Variants in SYPL1 observed in about 807,000 individuals in gnomAD.
SYPL1 encodes the protein synaptophysin like 1.
SYPL1 carries 6 observed loss-of-function variants against 23.7 expected under a neutral mutation model. The observed-to-expected ratio is 0.25, with a 90% CI of 0.14 to 0.50. The LOEUF is 0.50. Ranked by LOEUF, SYPL1 falls within the 20% of genes least tolerant of loss-of-function variation. The probability of loss-of-function intolerance (pLI) is 0.98; values close to 1 mark genes in which losing one functional copy is unlikely to be tolerated. For missense variants in SYPL1, 253 were observed against 288.9 expected (o/e 0.88, Z 0.90); for synonymous variants, 102 against 104.5 (o/e 0.98, Z 0.15).
In SYPL1 at chr7:106,109,131, CTT is replaced by C. The variant is rs892533974; in HGVS notation, c.69+3007_69+3008del. Among the ~76,000 whole-genome samples, 4 of 152,302 alleles carry C rather than the reference CTT, an allele frequency of 2.6e-5. No homozygotes were observed. The highest frequency in any genetic ancestry group is 4.1e-4 in the South Asian group (2 of 4,830). The stretch of plus-strand genomic sequence containing the variant: ...TATTAAACCTTGACCCTTGAGTTCT[CTT>C]GTCAGTAGGATAAAATGGGAAATGC... On this transcript the variant is annotated intron_variant, in intron 1 of 4. Coordinates refer to ENST00000455385, the MANE Select transcript of SYPL1 (RefSeq NM_182715.4). The surrounding 1 kb of genome is among the most constrained non-coding windows in gnomAD (Gnocchi z 4.3).
In SYPL1 at chr7:106,091,714, A is replaced by C. The variant is rs1347407583; in HGVS notation, c.*91T>G. 7.3e-7 allele frequency: 1 copy of C among 1,374,888 alleles called. No individual in the cohort carries two copies. Among genetic ancestry groups the C allele is most frequent in the Non-Finnish European group, 9.7e-7 (1 of 1,032,420 alleles). 85.2% of individuals were successfully genotyped at this position (1,374,888 alleles called of 1,614,324 possible). A position where few individuals can be genotyped will look rare whatever the true frequency, so the allele number is the denominator to read the frequency against. ...CCACCAATATATTGACAAAGCCATT[A>C]CTTTTATTAGAAACAAATAATGCTT... is the stretch of plus-strand genomic sequence containing the variant. On this transcript the variant is annotated 3_prime_UTR_variant, in exon 5 of 5. Coordinates refer to ENST00000455385, the MANE Select transcript of SYPL1 (RefSeq NM_182715.4). This position sits in a 1 kb window ranked among gnomAD's most constrained non-coding sequence, Gnocchi z 5.0.
intron 1 of SYPL1, among the ~76,000 whole-genome samples, chr7:106,099,735 A>G (rs1430456068): frequency 1.3e-5 from 2 of 152,076 alleles, no homozygotes; most frequent in Non-Finnish European, 2.9e-5. Context: ...ACTCTGTTGT[A>G]TAGACTCAAG....
In SYPL1 at chr7:106,112,223, A is replaced by G; in HGVS notation, c.-15T>C. On this transcript the variant is annotated 5_prime_UTR_variant, in exon 1 of 5. Transcript: ENST00000455385. ...AAGCCGGACATCCTCTGAGGAAAGGAGGGAGAGAGAGTCAGGACGACGGGG... is the reference window on the plus strand; with the variant it reads ...AAGCCGGACATCCTCTGAGGAAAGGGGGGAGAGAGAGTCAGGACGACGGGG... 1 of 1,531,396 alleles carries G rather than the reference A, an allele frequency of 6.5e-7. No homozygotes were observed. The highest frequency in any genetic ancestry group is 1.2e-5 in the South Asian group (1 of 83,948). The allele number at this position is 1,531,396 out of a possible 1,614,324, so 94.9% of individuals were successfully genotyped here. A position where few individuals can be genotyped will look rare whatever the true frequency, so the allele number is the denominator to read the frequency against.
rs560055024 is a variant in SYPL1 at position 106,099,205 on chromosome 7, T to G, written c.147A>C (p.Ala49=). 4 of 1,613,974 alleles carry G rather than the reference T, an allele frequency of 2.5e-6. No individual in the cohort carries two copies. In the East Asian group the frequency reaches 8.9e-5, roughly 36 times the overall value. The change falls in exon 2 of 5, where the codon GCA becomes GCC. Residue 49 remains alanine, a synonymous_variant. Transcript: ENST00000455385. ...QTEIQVNCPP[A]VTENKTVTAT... is the part of the protein sequence containing the mutation. ...CTGTAACAGTTTTATTCTCAGTAAC[T>G]GCAGGAGGACAATTCACTTGAATTT...
rs1840519869 is a variant in SYPL1, at chr7:106,104,976, G to A, written c.70-5694C>T. Among the ~76,000 whole-genome samples the A allele has an allele frequency of 6.6e-6, 1 of 152,134 alleles. No individual in the cohort carries two copies. Among genetic ancestry groups the A allele is most frequent in the African/African-American group, 2.4e-5 (1 of 41,426 alleles). On this transcript the variant is annotated intron_variant, in intron 1 of 4. Coordinates refer to ENST00000455385, the MANE Select transcript of SYPL1 (RefSeq NM_182715.4). This position sits in a 1 kb window ranked among gnomAD's most constrained non-coding sequence, Gnocchi z 4.1. ...TCAGGGTATTACACATAAAAATTTGGATTTCCTGCTTTTCCTGAGTGTGTA... is the reference window on the plus strand; with the variant it reads ...TCAGGGTATTACACATAAAAATTTGAATTTCCTGCTTTTCCTGAGTGTGTA...
chr7:106,110,508 C>G (rs920659975), intron 1 of SYPL1, among the ~76,000 whole-genome samples: 1 of 152,110 alleles, frequency 6.6e-6, no homozygotes, highest in African/African-American at 2.4e-5. Flanking sequence ...GAGAAAAAGA[C>G]CATGTTTTAT....
chr7:106,112,225 G>GGA lies in SYPL1; in HGVS notation c.-19_-18dup. Reference sequence around the variant, plus strand: ...GCCGGACATCCTCTGAGGAAAGGAGGGAGAGAGAGTCAGGACGACGGGGCG... The same window carrying GGA: ...GCCGGACATCCTCTGAGGAAAGGAGGGAGAGAGAGAGTCAGGACGACGGGGCG... On this transcript the variant is annotated 5_prime_UTR_variant, in exon 1 of 5. Coordinates refer to ENST00000455385, the MANE Select transcript of SYPL1 (RefSeq NM_182715.4). 2 of 1,534,230 alleles carry GGA rather than the reference G, an allele frequency of 1.3e-6. No individual in the cohort carries two copies. Among genetic ancestry groups the GGA allele is most frequent in the Non-Finnish European group, 8.8e-7 (1 of 1,132,222 alleles).
In SYPL1 at chr7:106,095,535, G is replaced by C. The variant is rs1471702426; in HGVS notation, c.402+2155C>G. ...AGCTAATTTTTGTATTTTTAGCAGA[G>C]ATGGGGTTTCACCATGTTGGCCAGG... On this transcript the variant is annotated intron_variant, in intron 3 of 4. Coordinates refer to ENST00000455385, the MANE Select transcript of SYPL1 (RefSeq NM_182715.4). The surrounding 1 kb of genome is among the most constrained non-coding windows in gnomAD (Gnocchi z 4.3). 6.6e-6 allele frequency among the ~76,000 whole-genome samples: 1 copy of C among 152,028 alleles called. No homozygotes were observed. The highest frequency in any genetic ancestry group is 2.4e-5 in the African/African-American group (1 of 41,386).
At chr7:106,103,122 T>C (rs1563341308) in intron 1 of SYPL1, among the ~76,000 whole-genome samples, 1 of 152,008 alleles carries the variant, frequency 6.6e-6, no homozygotes, top group Non-Finnish European at 1.5e-5. Flanking sequence ...AAGAGACATA[T>C]AAGAATGTTC....
At chr7:106,092,558 A>G in intron 4 of SYPL1, 1 of 319,392 alleles carries the variant, frequency 3.1e-6, no homozygotes, top group Non-Finnish European at 6.0e-6. Flanking sequence ...CTGTAATCCC[A>G]GCTACCTGGG....
rs1790062355 is a variant in SYPL1 at position 106,109,980 on chromosome 7, A to C, written c.69+2160T>G. ...ATTGGAGGGAGAAATCGATTGATTG[A>C]GGAATTATGAGTGCCTAAAATTAGT... On this transcript the variant is annotated intron_variant, in intron 1 of 4. Transcript: ENST00000455385. The surrounding 1 kb of genome is among the most constrained non-coding windows in gnomAD (Gnocchi z 4.3). 6.6e-6 allele frequency among the ~76,000 whole-genome samples: 1 copy of C among 152,178 alleles called. No homozygotes were observed. The highest frequency in any genetic ancestry group is 2.4e-5 in the African/African-American group (1 of 41,444).
At chr7:106,103,706 T>C (rs1318578067) in intron 1 of SYPL1, among the ~76,000 whole-genome samples, 2 of 152,222 alleles carry the variant, frequency 1.3e-5, no homozygotes, top group Admixed American at 6.5e-5. Flanking sequence ...TAAAATTAAT[T>C]TCACCTGTTT....
At chr7:106,102,261 A>C (rs1840364267) in intron 1 of SYPL1, among the ~76,000 whole-genome samples, 1 of 152,028 alleles carries the variant, frequency 6.6e-6, no homozygotes, top group South Asian at 2.1e-4. Context: ...ATGCCCGGCT[A>C]ATTTTTGTAT....
upstream of SYPL1, chr7:106,112,550 T>G (rs766117364): frequency 6.7e-6 from 10 of 1,498,564 alleles, no homozygotes; most frequent in Admixed American, 1.8e-4. Context: ...CCGCGCCCCC[T>G]TCCCTGCGGT....
rs752939331 is a variant in SYPL1 at position 106,097,920 on chromosome 7, T to G, written c.195-23A>C. The G allele has an allele frequency of 1.9e-6, 3 of 1,587,604 alleles. No individual in the cohort carries two copies. The East Asian group carries it at 6.7e-5, about 36-fold the overall frequency. ...AACCTATTAAAATAAATGTATGAAT[T>G]ATTGGACTTTCCCAACAGAGACAGA... On this transcript the variant is annotated intron_variant, in intron 2 of 4. Coordinates refer to ENST00000455385, the MANE Select transcript of SYPL1 (RefSeq NM_182715.4). This position sits in a 1 kb window ranked among gnomAD's most constrained non-coding sequence, Gnocchi z 4.6.
In SYPL1 at chr7:106,096,105, T is replaced by A. The variant is rs1840006851; in HGVS notation, c.402+1585A>T. Among the ~76,000 whole-genome samples, 2 of 152,190 alleles carry A rather than the reference T, an allele frequency of 1.3e-5. No individual in the cohort carries two copies. The highest frequency in any genetic ancestry group is 4.8e-5 in the African/African-American group (2 of 41,468). ...TTCCAGTTCCCTTTTAAATAAGATT[T>A]GAAAAGTCTGCAGAAGACACAGATT... is the stretch of plus-strand genomic sequence containing the variant. On this transcript the variant is annotated intron_variant, in intron 3 of 4. Coordinates refer to ENST00000455385, the MANE Select transcript of SYPL1 (RefSeq NM_182715.4). The surrounding 1 kb of genome is among the most constrained non-coding windows in gnomAD (Gnocchi z 4.4).
intron 1 of SYPL1, among the ~76,000 whole-genome samples, chr7:106,102,956 G>C (rs1840404857): frequency 6.6e-6 from 1 of 152,012 alleles, no homozygotes; most frequent in Admixed American, 6.6e-5. Context: ...AACCATAAAA[G>C]ATTGTTAAAT....
At chr7:106,110,676 T>C (rs1328188920) in intron 1 of SYPL1, among the ~76,000 whole-genome samples, 2 of 152,208 alleles carry the variant, frequency 1.3e-5, no homozygotes, top group Admixed American at 1.3e-4. Context: ...AAAAGGGATA[T>C]TTTTCAAAAT....
intron 1 of SYPL1, among the ~76,000 whole-genome samples, chr7:106,106,918 A>G (rs1840634886): frequency 6.6e-6 from 1 of 152,228 alleles, no homozygotes; most frequent in Non-Finnish European, 1.5e-5. Context: ...GCTAATTCTG[A>G]GGATTCTACT....
Sources: allele counts gnomAD v4.1 joint callset (sites outside exome capture counted in the v4.1 genomes callset), GRCh38; gene constraint gnomAD v4.1.1; non-coding constraint Gnocchi (gnomAD v3.1); transcripts MANE v1.5; gene names NCBI Gene and HGNC (gene_info 2026-07-23, HGNC 2026-07-21).